Variants in ERBB4 observed in about 807,000 individuals in gnomAD.
The protein encoded by ERBB4 is erb-b2 receptor tyrosine kinase 4.
In ERBB4, 42 loss-of-function variants were observed where a neutral mutation model predicts 158.0. The observed-to-expected ratio is 0.27, with a 90% CI of 0.21 to 0.34. The LOEUF (loss-of-function observed/expected upper bound fraction) is 0.34. ERBB4 is among the 10% of genes least tolerant of loss of function. The pLI, the probability that ERBB4 is intolerant of heterozygous loss-of-function variation, is 1.00. For synonymous variants in ERBB4, 583 were observed against 558.7 expected (o/e 1.04, Z -0.61); for missense variants, 1,333 against 1,624.1 (o/e 0.82, Z 3.08).
chr2:212,127,254 T>G (rs2079960449), intron 1 of ERBB4, among the ~76,000 whole-genome samples: 1 of 152,208 alleles, frequency 6.6e-6, no homozygotes, highest in Admixed American at 6.5e-5. Flanking sequence ...TAGCCCAGGA[T>G]GACATTGAAT....
chr2:211,774,347 C>T (rs1055575457), intron 4 of ERBB4, among the ~76,000 whole-genome samples: 4 of 152,138 alleles, frequency 2.6e-5, no homozygotes, highest in Non-Finnish European at 5.9e-5. Context: ...GCTGGGATTA[C>T]AGGTGTGAGC....
At chr2:212,399,969 G>A (rs2091154604) in intron 1 of ERBB4, among the ~76,000 whole-genome samples, 2 of 152,048 alleles carry the variant, frequency 1.3e-5, no homozygotes, top group Non-Finnish European at 2.9e-5. Context: ...GAGAGTCTAT[G>A]GGGGCGGAGA....
intron 1 of ERBB4, among the ~76,000 whole-genome samples, chr2:212,337,091 A>G (rs1057503139): frequency 4.6e-5 from 7 of 152,088 alleles, no homozygotes; most frequent in Non-Finnish European, 5.9e-5. Context: ...AATTGTGAAT[A>G]CATTTATTAT....
At chr2:212,009,106 A>T (rs2371437) in intron 2 of ERBB4, among the ~76,000 whole-genome samples, 1 of 18,282 alleles carries the variant, frequency 5.5e-5, no homozygotes, top group African/African-American at 6.0e-5. Flanking sequence ...CAAAATAAAA[A>T]TCATTAAAAC....
chr2:211,918,381 T>C (rs558469118), intron 3 of ERBB4, among the ~76,000 whole-genome samples: 2 of 152,246 alleles, frequency 1.3e-5, no homozygotes, highest in South Asian at 4.1e-4. Flanking sequence ...AGTCAGAAAT[T>C]TCTTAGGCAT....
intron 2 of ERBB4, among the ~76,000 whole-genome samples, chr2:212,113,663 A>T (rs551185558): frequency 5.8e-4 from 87 of 150,586 alleles, no homozygotes; most frequent in South Asian, 1.9e-3. Context: ...GGCAGGTCAG[A>T]GAAGGAGAAA....
intron 3 of ERBB4, among the ~76,000 whole-genome samples, chr2:211,869,392 C>A (rs868836419): frequency 2.6e-5 from 4 of 152,172 alleles, no homozygotes; most frequent in African/African-American, 9.7e-5. Flanking sequence ...TATGATTTAG[C>A]TTAAATGTAA....
chr2:211,634,828 C>T lies in ERBB4; in HGVS notation c.1947-4234G>A, dbSNP rs543884616. ...GAGGAGCTGGGATTACAGGTGACTG[C>T]CACCATGCCCAATTAATTTTTGTAA... On this transcript the variant is annotated intron_variant, in intron 16 of 27. Transcript: ENST00000342788. 2.0e-5 allele frequency among the ~76,000 whole-genome samples: 3 copies of T among 152,248 alleles called. No individual in the cohort carries two copies. The South Asian group carries it at 6.2e-4, about 32-fold the overall frequency.
chr2:212,106,564 T>G (rs1184995186), intron 2 of ERBB4, among the ~76,000 whole-genome samples: 3 of 152,208 alleles, frequency 2.0e-5, no homozygotes, highest in Admixed American at 2.0e-4. Flanking sequence ...AAATCCTATA[T>G]TCTGAGGAGA....
At chr2:212,068,072 G>A (rs1369383659) in intron 2 of ERBB4, among the ~76,000 whole-genome samples, 1 of 152,010 alleles carries the variant, frequency 6.6e-6, no homozygotes, top group African/African-American at 2.4e-5. Context: ...TGGGGAGCCT[G>A]GCTGAGGAAT....
At chr2:211,822,003 T>C (rs1358673551) in intron 3 of ERBB4, among the ~76,000 whole-genome samples, 1 of 151,726 alleles carries the variant, frequency 6.6e-6, no homozygotes, top group Admixed American at 6.6e-5. Context: ...AATAAACAAA[T>C]GGGATGAAAT....
chr2:211,781,579 T>C (rs1370523371), intron 4 of ERBB4, among the ~76,000 whole-genome samples: 1 of 152,190 alleles, frequency 6.6e-6, no homozygotes, highest in African/African-American at 2.4e-5. Flanking sequence ...ACTTAAAATG[T>C]AGAAACATAG....
At chr2:212,002,059 T>C (rs903805995) in intron 2 of ERBB4, among the ~76,000 whole-genome samples, 1 of 152,314 alleles carries the variant, frequency 6.6e-6, no homozygotes, top group Non-Finnish European at 1.5e-5. Flanking sequence ...GCTGGTAAAA[T>C]GAAACTTACA....
chr2:211,539,309 G>C (rs10202621), intron 20 of ERBB4, among the ~76,000 whole-genome samples: 94,533 of 151,602 alleles, frequency 0.62, 29,725 homozygotes, highest in East Asian at 0.8. Context: ...CATAATTGCT[G>C]TATGATTTTT....
At chr2:211,936,843 C>T (rs2080337586) in intron 3 of ERBB4, among the ~76,000 whole-genome samples, 1 of 151,912 alleles carries the variant, frequency 6.6e-6, no homozygotes, top group Non-Finnish European at 1.5e-5. Flanking sequence ...TTTATTATGC[C>T]AAAAAGTGTT....
intron 14 of ERBB4, among the ~76,000 whole-genome samples, chr2:211,670,382 T>C (rs1247461585): frequency 2.0e-5 from 3 of 152,194 alleles, no homozygotes; most frequent in African/African-American, 7.2e-5. Flanking sequence ...GATTACTGAT[T>C]CTTTAACTAT....
chr2:212,098,237 A>C (rs2078986153), intron 2 of ERBB4, among the ~76,000 whole-genome samples: 1 of 152,204 alleles, frequency 6.6e-6, no homozygotes, highest in African/African-American at 2.4e-5. Flanking sequence ...TTTCTTAAAG[A>C]AGACCCCCTC....
chr2:212,044,839 T>C (rs1242515967), intron 2 of ERBB4, among the ~76,000 whole-genome samples: 2 of 152,062 alleles, frequency 1.3e-5, no homozygotes, highest in East Asian at 3.9e-4. Flanking sequence ...TGAAAAAATA[T>C]TTTCTTTCTT....
At chr2:212,412,850 A>G (rs2091536237) in intron 1 of ERBB4, among the ~76,000 whole-genome samples, 1 of 152,266 alleles carries the variant, frequency 6.6e-6, no homozygotes, top group Non-Finnish European at 1.5e-5. Flanking sequence ...AAAACAAATT[A>G]TAACATATTC....
Sources: allele counts gnomAD v4.1 joint callset (sites outside exome capture counted in the v4.1 genomes callset), GRCh38; gene constraint gnomAD v4.1.1; transcripts MANE v1.5; gene names NCBI Gene and HGNC (gene_info 2026-07-23, HGNC 2026-07-21).